Variants in ELP2 observed in about 807,000 individuals in gnomAD.
ELP2 encodes the protein elongator complex protein 2.
ELP2 carries 90 observed loss-of-function variants against 119.2 expected under a neutral mutation model. The observed-to-expected ratio is 0.75, with a 90% CI of 0.64 to 0.90. The LOEUF is 0.90. Ranked by LOEUF, ELP2 falls within the 40% of genes least tolerant of loss-of-function variation. ELP2 has a pLI of 0.00. For missense variants in ELP2, 921 were observed against 967.8 expected, an observed-to-expected ratio of 0.95 and a Z score of 0.64; for synonymous variants, 339 against 331.0, an observed-to-expected ratio of 1.02 and a Z score of -0.26.
chr18:36,163,654 C>G (rs1179447539), intron 17 of ELP2, among the ~76,000 whole-genome samples: 1 of 152,004 alleles, frequency 6.6e-6, no homozygotes, highest in South Asian at 2.1e-4. Context: ...TAGGTTAAAA[C>G]TGATTTTCTT....
intron 5 of ELP2, chr18:36,139,482 T>A: frequency 6.5e-7 from 1 of 1,535,724 alleles, no homozygotes. Context: ...TCTCTCGCCC[T>A]CTGTAGCAGG....
In ELP2 at chr18:36,176,581, C is replaced by A. The variant is rs568718290; in HGVS notation, c.*1940C>A. On this transcript the variant is annotated 3_prime_UTR_variant, in exon 22 of 22. Transcript: ENST00000358232. ...TCCCAAATTGTCCTCAAGCATCTTC[C>A]TCTGGAATCACCTTACTGTTTAGTA... The A allele has an allele frequency of 1.3e-5, 2 of 152,212 alleles. No homozygotes were observed. Among genetic ancestry groups the A allele is most frequent in the South Asian group, 4.1e-4 (2 of 4,826 alleles). The allele number at this position is 152,212 out of a possible 1,614,324, so 9.4% of individuals were successfully genotyped here.
rs1232918322 is a variant in ELP2 at position 36,176,936 on chromosome 18, T to C, written c.*2295T>C. Reference sequence around the variant, plus strand: ...ATGACATCACCAACAATGGGCCCTTTCCTGTCTGCCAGGAAAAGTTTTCTG... The same window carrying C: ...ATGACATCACCAACAATGGGCCCTTCCCTGTCTGCCAGGAAAAGTTTTCTG... On this transcript the variant is annotated 3_prime_UTR_variant, in exon 22 of 22. Transcript: ENST00000358232. 6.6e-6 allele frequency: 1 copy of C among 152,134 alleles called. No homozygotes were observed. Among genetic ancestry groups the C allele is most frequent in the Non-Finnish European group, 1.5e-5 (1 of 68,026 alleles). 9.4% of individuals were successfully genotyped at this position (152,134 alleles called of 1,614,324 possible). A position where few individuals can be genotyped will look rare whatever the true frequency, so the allele number is the denominator to read the frequency against.
At chr18:36,131,694 A>G (rs1350202527) in intron 1 of ELP2, among the ~76,000 whole-genome samples, 1 of 152,252 alleles carries the variant, frequency 6.6e-6, no homozygotes, top group African/African-American at 2.4e-5. Flanking sequence ...ATCACAGGAC[A>G]AGATCTGCTT....
At chr18:36,174,052 C>A (rs2091160971) in intron 21 of ELP2, among the ~76,000 whole-genome samples, 1 of 152,096 alleles carries the variant, frequency 6.6e-6, no homozygotes. Flanking sequence ...AATGCAATTC[C>A]ATCCACCTCA....
intron 19 of ELP2, among the ~76,000 whole-genome samples, chr18:36,167,511 C>G (rs2090943256): frequency 6.6e-6 from 1 of 151,994 alleles, no homozygotes; most frequent in South Asian, 2.1e-4. Flanking sequence ...TAATCAAGAC[C>G]AAGAAACTAG....
chr18:36,139,362 G>A (rs531426139), intron 5 of ELP2: 403 of 1,452,622 alleles, frequency 2.8e-4, no homozygotes, highest in Middle Eastern at 2.1e-3. Flanking sequence ...TTATCTTTGA[G>A]TATCTTCTAC....
chr18:36,164,625 T>C lies in ELP2; in HGVS notation c.1912T>C (p.Trp638Arg), dbSNP rs2090839644. The C allele has an allele frequency of 2.5e-6, 4 of 1,613,960 alleles. No individual in the cohort carries two copies. The African/African-American group carries it at 5.3e-5, about 22-fold the overall frequency. ...FLLAVSRDRT[W>R]SLWKKQDTIS... is the part of the protein sequence containing the mutation. Reference sequence around the variant, plus strand: ...ACTAGCTGTTTCCAGAGATCGAACCTGGTCATTGTGGAAAAAGCAGGATAC... The same window carrying C: ...ACTAGCTGTTTCCAGAGATCGAACCCGGTCATTGTGGAAAAAGCAGGATAC... Residue 638 changes from tryptophan (W) to arginine (R), a missense_variant, in exon 18 of 22, where the codon TGG becomes CGG. Physicochemically the swap from Trp to Arg is moderately radical, Grantham distance 101. Transcript: ENST00000358232.
chr18:36,164,766 G>A, intron 18 of ELP2, 99 bp downstream of exon 18: 2 of 1,170,042 alleles, frequency 1.7e-6, no homozygotes, highest in Admixed American at 1.9e-5. Flanking sequence ...ACAGAGTGAA[G>A]GGTAGAGCCT....
rs1217245710 is a variant in ELP2, at chr18:36,174,944, C to T, written c.*303C>T. On this transcript the variant is annotated 3_prime_UTR_variant, in exon 22 of 22. Transcript: ENST00000358232. Reference sequence around the variant, plus strand: ...CTCGTCTCAGGTGATCTGCTTGCCTCGGCCTCCCAAAGTGCTGGGATTACA... The same window carrying T: ...CTCGTCTCAGGTGATCTGCTTGCCTTGGCCTCCCAAAGTGCTGGGATTACA... The T allele has an allele frequency of 2.1e-5, 7 of 340,640 alleles. No homozygotes were observed. The East Asian group carries it at 3.4e-4, about 16-fold the overall frequency. 21.1% of individuals were successfully genotyped at this position (340,640 alleles called of 1,614,324 possible). A position where few individuals can be genotyped will look rare whatever the true frequency, so the allele number is the denominator to read the frequency against.
At position 36,178,870 on chromosome 18, in the gene ELP2, G is replaced by T. The variant is rs757725463; in HGVS notation, c.*4229G>T. On this transcript the variant is annotated 3_prime_UTR_variant, in exon 22 of 22. Transcript: ENST00000358232. Reference sequence around the variant, plus strand: ...ATGTGTGGATTATTAATGAAGCTGGGCAGTGTTGGGGTGGTCATACTATTC... The same window carrying T: ...ATGTGTGGATTATTAATGAAGCTGGTCAGTGTTGGGGTGGTCATACTATTC... 1 of 152,110 alleles carries T rather than the reference G, an allele frequency of 6.6e-6. No homozygotes were observed. Among genetic ancestry groups the T allele is most frequent in the Non-Finnish European group, 1.5e-5 (1 of 68,032 alleles). The allele number at this position is 152,110 out of a possible 1,614,324, so 9.4% of individuals were successfully genotyped here.
At chr18:36,150,250 G>T (rs2090354568) in intron 11 of ELP2, among the ~76,000 whole-genome samples, 1 of 152,182 alleles carries the variant, frequency 6.6e-6, no homozygotes, top group Admixed American at 6.5e-5. Context: ...TACTAACCCA[G>T]CAGCTCTTGA....
At chr18:36,171,971 T>C (rs2091094692) in intron 21 of ELP2, among the ~76,000 whole-genome samples, 1 of 152,208 alleles carries the variant, frequency 6.6e-6, no homozygotes, top group Admixed American at 6.5e-5. Flanking sequence ...CCTCCTGTCT[T>C]GGCCTCCCAA....
At position 36,170,125 on chromosome 18, in the gene ELP2, C is replaced by T. The variant is rs1427296881; in HGVS notation, c.2139C>T (p.Cys713=). 3 of 1,613,974 alleles carry T rather than the reference C, an allele frequency of 1.9e-6. No homozygotes were observed. The highest frequency in any genetic ancestry group is 2.7e-5 in the African/African-American group (2 of 74,892). ...GTATTGAGCACAACATTGGCCCCTG[C>T]TCCTCAGTCCTGGACGTGGGTGGGG... ...DDCIEHNIGP[C]SSVLDVGGAV... Residue 713 remains cysteine, a synonymous_variant, in exon 20 of 22, where the codon TGC becomes TGT. Coordinates refer to ENST00000358232, the MANE Select transcript of ELP2 (RefSeq NM_018255.4).
chr18:36,174,555 G>A lies in ELP2; in HGVS notation c.2395G>A (p.Ala799Thr). The change falls in exon 22 of 22, where the codon GCA becomes ACA. Residue 799 changes from alanine to threonine, a missense_variant. By Grantham distance (58) the Ala-to-Thr change is moderately conservative (BLOSUM62 0). Transcript: ENST00000358232. Reference sequence around the variant, plus strand: ...CAGTGGAAAAACTGAACAGAAGGAAGCAGAAGGTGCTGAGTGGTTACACTT... The same window carrying A: ...CAGTGGAAAAACTGAACAGAAGGAAACAGAAGGTGCTGAGTGGTTACACTT... ...NCSGKTEQKE[A>T]EGAEWLHFAS... The A allele has an allele frequency of 1.2e-6, 2 of 1,614,132 alleles. No homozygotes were observed. Among genetic ancestry groups the A allele is most frequent in the Non-Finnish European group, 1.7e-6 (2 of 1,179,984 alleles).
At chr18:36,135,327 A>T (rs376487185) in intron 2 of ELP2, among the ~76,000 whole-genome samples, 1 of 152,178 alleles carries the variant, frequency 6.6e-6, no homozygotes, top group Non-Finnish European at 1.5e-5. Flanking sequence ...TTTTAATATC[A>T]TTTTGTATTT....
chr18:36,133,953 A>C (rs1233792369), intron 2 of ELP2, among the ~76,000 whole-genome samples: 10 of 112,906 alleles, frequency 8.9e-5, no homozygotes, highest in African/African-American at 2.8e-4. Flanking sequence ...TTTGTCACCC[A>C]GGCTGGAGTG....
At chr18:36,152,570 T>C (rs1351260943) in intron 11 of ELP2, among the ~76,000 whole-genome samples, 1 of 152,220 alleles carries the variant, frequency 6.6e-6, no homozygotes, top group Non-Finnish European at 1.5e-5. Context: ...GCATATTAGC[T>C]GCCCCATCTG....
chr18:36,143,041 C>G, intron 8 of ELP2, 75 bp downstream of exon 8: 3 of 1,013,446 alleles, frequency 3.0e-6, no homozygotes, highest in Non-Finnish European at 4.5e-6. Context: ...TCACCACCCA[C>G]CTATGTGAAG....
Sources: gnomAD v4.1 joint callset for allele counts (sites outside exome capture counted in the v4.1 genomes callset) on GRCh38, gnomAD v4.1.1 for gene constraint, MANE v1.5 for transcripts, NCBI Gene and HGNC (gene_info 2026-07-23, HGNC 2026-07-21) for gene names.